The following LEPR variants were observed in gnomAD, a reference collection of about 807,000 sequenced individuals.
LEPR encodes the protein leptin receptor, also known as OB receptor.
A neutral mutation model predicts 114.7 loss-of-function variants in LEPR; 56 were observed. The ratio of observed to expected loss-of-function variants is 0.49; its 90% CI spans 0.39 to 0.61. The LOEUF (loss-of-function observed/expected upper bound fraction) is 0.61, where lower values mean the gene tolerates loss of function less well. Among genes scored for constraint, LEPR ranks in the 20% least tolerant of loss-of-function variants. The pLI is 0.00. For synonymous variants in LEPR, 443 were observed against 461.4 expected (o/e 0.96, Z 0.51); for missense variants, 1,202 against 1,352.9 (o/e 0.89, Z 1.75).
intron 2 of LEPR, chr1:65,434,099 T>G: frequency 3.0e-6 from 3 of 984,982 alleles, no homozygotes; most frequent in Non-Finnish European, 3.6e-6. Context: ...GCATTACCTC[T>G]TGATTGTATC....
rs1658728622 is a variant in LEPR, at chr1:65,636,598, C to T, written c.3081C>T (p.Ser1027=). Residue 1027 remains serine, a synonymous_variant, in exon 20 of 20, where the codon AGC becomes AGT. Transcript: ENST00000349533. ...NSPLKDSFSN[S]SWEIEAQAFF... ...CGTTGAAGGATTCTTTCTCTAATAG[C>T]TCATGGGAGATAGAGGCCCAGGCAT... 2 of 1,614,020 alleles carry T rather than the reference C, an allele frequency of 1.2e-6. No homozygotes were observed. Among genetic ancestry groups the T allele is most frequent in the African/African-American group, 1.3e-5 (1 of 75,020 alleles).
intron 11 of LEPR, among the ~76,000 whole-genome samples, chr1:65,606,364 T>C (rs969648628): frequency 2.0e-5 from 3 of 152,164 alleles, no homozygotes; most frequent in Admixed American, 2.0e-4. Context: ...CAGTAACATA[T>C]GTTACTTGAA....
At chr1:65,528,791 T>TA (rs955961688) in intron 2 of LEPR, among the ~76,000 whole-genome samples, 1 of 152,058 alleles carries the variant, frequency 6.6e-6, no homozygotes, top group Non-Finnish European at 1.5e-5. Flanking sequence ...TACCTTTTTT[T>TA]AAAAAAAGAA....
intron 2 of LEPR, among the ~76,000 whole-genome samples, chr1:65,473,382 T>C (rs1308422057): frequency 6.6e-6 from 1 of 152,256 alleles, no homozygotes; most frequent in African/African-American, 2.4e-5. Context: ...ATTTCTCATA[T>C]GGCATGCCTT....
chr1:65,551,507 A>G (rs905026930), intron 2 of LEPR, among the ~76,000 whole-genome samples: 3 of 152,078 alleles, frequency 2.0e-5, no homozygotes, highest in Non-Finnish European at 4.4e-5. Flanking sequence ...AGAGGTGTTT[A>G]TAGTATTTTC....
rs1656038129 is a variant in LEPR at position 65,595,994 on chromosome 1, TA to T, written c.704-450del. 2.0e-5 allele frequency among the ~76,000 whole-genome samples: 3 copies of T among 152,130 alleles called. No homozygotes were observed. In the South Asian group the frequency reaches 6.2e-4, roughly 31 times the overall value. On this transcript the variant is annotated intron_variant, in intron 6 of 19. Coordinates refer to ENST00000349533, the MANE Select transcript of LEPR (RefSeq NM_002303.6). Reference sequence around the variant, plus strand: ...TAGGTTTGTCTAGATTATAGTGATCTAAAATTAATAGACAAGCTGAATTTTG... The same window carrying T: ...TAGGTTTGTCTAGATTATAGTGATCTAAATTAATAGACAAGCTGAATTTTG...
intron 2 of LEPR, among the ~76,000 whole-genome samples, chr1:65,450,060 G>A (rs1039498586): frequency 2.0e-5 from 3 of 152,112 alleles, no homozygotes; most frequent in Non-Finnish European, 4.4e-5. Context: ...TTTTGGAATT[G>A]TCCGGTTGTG....
At chr1:65,432,315 G>A (rs1646497336) in intron 2 of LEPR, 2 of 991,844 alleles carry the variant, frequency 2.0e-6, no homozygotes, top group Non-Finnish European at 2.4e-6. Context: ...ATCCCTCTTT[G>A]TGTTGTAGTC....
intron 19 of LEPR, among the ~76,000 whole-genome samples, chr1:65,631,227 A>G (rs1487462040): frequency 6.6e-6 from 1 of 152,106 alleles, no homozygotes; most frequent in African/African-American, 2.4e-5. Context: ...CTGGTTGTGA[A>G]GGGTAGTTCT....
intron 2 of LEPR, among the ~76,000 whole-genome samples, chr1:65,488,280 TTCCC>T (rs1273186325): frequency 5.7e-5 from 8 of 141,590 alleles, no homozygotes; most frequent in Non-Finnish European, 1.2e-4. Context: ...TCCTCTTTCT[TTCCC>T]TCCCTCTCTC....
chr1:65,546,366 C>T (rs960995131), intron 2 of LEPR, among the ~76,000 whole-genome samples: 2 of 152,022 alleles, frequency 1.3e-5, no homozygotes, highest in African/African-American at 2.4e-5. Context: ...CAGCTTGATG[C>T]GGATGGCATT....
intron 2 of LEPR, among the ~76,000 whole-genome samples, chr1:65,437,796 C>T (rs192574526): frequency 3.9e-5 from 6 of 152,110 alleles, no homozygotes; most frequent in Non-Finnish European, 8.8e-5. Flanking sequence ...ATGAAAGCCT[C>T]ACCCAAAAGA....
chr1:65,425,848 T>C (rs146292960), intron 2 of LEPR, among the ~76,000 whole-genome samples: 2 of 152,266 alleles, frequency 1.3e-5, no homozygotes, highest in African/African-American at 4.8e-5. Context: ...TTTTTCAGGG[T>C]GATGAGTCAG....
chr1:65,432,087 C>T (rs1487605665), intron 2 of LEPR: 8 of 1,332,406 alleles, frequency 6.0e-6, no homozygotes, highest in African/African-American at 1.5e-5. Context: ...GAGTTTTATT[C>T]TCAGCAAATA....
chr1:65,626,199 G>T, intron 19 of LEPR: 1 of 1,602,294 alleles, frequency 6.2e-7, no homozygotes. Context: ...GTCCTACCTC[G>T]CTGCCGCACC....
At chr1:65,421,560 C>T in intron 1 of LEPR, 1 of 1,342,404 alleles carries the variant, frequency 7.4e-7, no homozygotes, top group Non-Finnish European at 1.0e-6. Flanking sequence ...AAAGATATCC[C>T]CAGTTAACAT....
chr1:65,578,329 C>G, intron 5 of LEPR: 1 of 225,246 alleles, frequency 4.4e-6, no homozygotes, highest in South Asian at 7.5e-5. Context: ...GCACAGGTCA[C>G]AGATGTAAAA....
intron 2 of LEPR, among the ~76,000 whole-genome samples, chr1:65,488,133 C>T (rs1306275967): frequency 4.7e-5 from 6 of 128,488 alleles, no homozygotes; most frequent in African/African-American, 1.3e-4. Context: ...TTCTTTCCCT[C>T]CCTCCCTCTC....
Position 65,622,922 on chromosome 1 carries a change from T to G in LEPR, c.2614T>G (p.Trp872Gly), listed in dbSNP as rs1034341732. ...ISHQRMKKLF[W>G]EDVPNPKNCS... ...CCTTTGTAGAATGAAAAAGCTATTT[T>G]GGGAAGATGTTCCGAACCCCAAGAA... The change falls in exon 19 of 20, where the codon TGG (tryptophan) becomes GGG (glycine). Residue 872 changes from tryptophan (W) to glycine (G), a missense_variant. Physicochemically the swap from Trp to Gly is radical, Grantham distance 184. Transcript: ENST00000349533. 1.9e-6 allele frequency: 3 copies of G among 1,614,040 alleles called. No individual in the cohort carries two copies. The highest frequency in any genetic ancestry group is 2.5e-6 in the Non-Finnish European group (3 of 1,179,948).
Sources: allele counts gnomAD v4.1 joint callset (sites outside exome capture counted in the v4.1 genomes callset), GRCh38; gene constraint gnomAD v4.1.1; transcripts MANE v1.5; gene names NCBI Gene and HGNC (gene_info 2026-07-23, HGNC 2026-07-21).